TAS2R1: variants seen among roughly 807,000 people sequenced by gnomAD.
TAS2R1 encodes taste 2 receptor member 1.
For synonymous variants in TAS2R1, 141 were observed against 134.2 expected (o/e 1.05, Z -0.35); for missense variants, 370 against 353.4 (o/e 1.05, Z -0.38).
chr5:9,717,216 TG>T (rs746771248), upstream of TAS2R1, among the ~76,000 whole-genome samples: 23 of 152,012 alleles, frequency 1.5e-4, no homozygotes, highest in Non-Finnish European at 2.8e-4. Context: ...GGAGAGTGGG[TG>T]GGGCCAGAAG....
In TAS2R1 at chr5:9,646,750, A is replaced by G. The variant is rs1357373533; in HGVS notation, c.-81+12671T>C. 2.6e-5 allele frequency among the ~76,000 whole-genome samples: 4 copies of G among 151,924 alleles called. 1 individual carries two copies. The highest frequency in any genetic ancestry group is 7.3e-5 in the African/African-American group (3 of 41,364). ...ACCAAAATTGTTGTGCCTTGCTTTG[A>G]TTTTCCAGAATGTGGGACCAGCCTT... On this transcript the variant is annotated intron_variant, in intron 2 of 2. Transcript: ENST00000506620.
the TAS2R1 span, among the ~76,000 whole-genome samples, chr5:9,730,429 C>T: frequency 6.6e-6 from 1 of 152,286 alleles, no homozygotes; most frequent in Middle Eastern, 3.4e-3. Context: ...GGCTTGATAC[C>T]AAATGTGCTT....
chr5:9,861,030 A>G, the TAS2R1 span, among the ~76,000 whole-genome samples: 1 of 38,774 alleles, frequency 2.6e-5, no homozygotes. Context: ...CAATCTGGGA[A>G]GATGAGGTTT....
At chr5:9,658,206 C>T (rs988654617) in intron 2 of TAS2R1, among the ~76,000 whole-genome samples, 2 of 152,192 alleles carry the variant, frequency 1.3e-5, no homozygotes, top group African/African-American at 4.8e-5. Flanking sequence ...AAACACTTTA[C>T]ATGCATTGAC....
At chr5:9,674,978 T>A (rs961266542) in intron 1 of TAS2R1, among the ~76,000 whole-genome samples, 3 of 151,868 alleles carry the variant, frequency 2.0e-5, no homozygotes, top group Non-Finnish European at 4.4e-5. Context: ...AAAATCATAA[T>A]GCTAATAAGT....
chr5:9,896,249 A>ATC, the TAS2R1 span, among the ~76,000 whole-genome samples: 143 of 152,316 alleles, frequency 9.4e-4, no homozygotes, highest in African/African-American at 3.0e-3. Flanking sequence ...TGGTTGGATT[A>ATC]TCTCTCGTGT....
chr5:9,786,801 C>G, the TAS2R1 span, among the ~76,000 whole-genome samples: 1 of 152,182 alleles, frequency 6.6e-6, no homozygotes, highest in East Asian at 1.9e-4. Context: ...AGCAATGTAG[C>G]CTTCTATGAG....
upstream of TAS2R1, among the ~76,000 whole-genome samples, chr5:9,634,692 T>G (rs2126476957): frequency 6.6e-6 from 1 of 152,174 alleles, no homozygotes; most frequent in Non-Finnish European, 1.5e-5. Flanking sequence ...CTAAGTATTT[T>G]GGGTTTTTGC....
Position 9,629,793 on chromosome 5 carries a change from C to T in TAS2R1, c.240G>A (p.Ala80=), listed in dbSNP as rs571918935. The T allele has an allele frequency of 1.9e-5, 31 of 1,613,800 alleles. No homozygotes were observed. The highest frequency in any genetic ancestry group is 1.6e-4 in the Middle Eastern group (1 of 6,062). The change falls in exon 1 of 1, where the codon GCG becomes GCA. Residue 80 remains alanine (A), a synonymous_variant. Coordinates refer to ENST00000382492, the MANE Select transcript of TAS2R1 (RefSeq NM_019599.3). ...TTATAAATAAGAGAATTGCACAATT[C>T]GCAGAACACATGATGAATTCTATGA... ...IFFIEFIMCS[A]NCAILLFINE... is the part of the protein sequence containing the mutation.
At chr5:9,739,953 C>G in the TAS2R1 span, among the ~76,000 whole-genome samples, 3 of 152,160 alleles carry the variant, frequency 2.0e-5, no homozygotes, top group Admixed American at 2.0e-4. Context: ...AATTCAAGGT[C>G]TTTTTAAAGC....
chr5:9,715,352 A>G (rs1247938931), upstream of TAS2R1, among the ~76,000 whole-genome samples: 4 of 152,204 alleles, frequency 2.6e-5, no homozygotes, highest in African/African-American at 9.6e-5. Flanking sequence ...TGAACCTCAC[A>G]GTTTGAAAGC....
At chr5:9,632,967 C>T (rs138981900), upstream of TAS2R1, among the ~76,000 whole-genome samples, 1,069 of 151,940 alleles carry the variant, frequency 7.0e-3, 19 homozygotes, top group African/African-American at 0.025. Flanking sequence ...TTTCAATTTA[C>T]TTTGCTCAGG....
chr5:9,671,202 G>T (rs2126502893), intron 1 of TAS2R1, among the ~76,000 whole-genome samples: 1 of 152,228 alleles, frequency 6.6e-6, no homozygotes, highest in Non-Finnish European at 1.5e-5. Flanking sequence ...ATGGGCAAAA[G>T]CTGGGAGCAT....
chr5:9,648,906 C>T (rs544740854), intron 2 of TAS2R1, among the ~76,000 whole-genome samples: 3 of 152,224 alleles, frequency 2.0e-5, no homozygotes, highest in Middle Eastern at 3.4e-3. Flanking sequence ...TCTGGAAAGC[C>T]CCTCTTCCTT....
the TAS2R1 span, among the ~76,000 whole-genome samples, chr5:9,882,540 T>G: frequency 1.3e-5 from 2 of 152,140 alleles, no homozygotes; most frequent in Non-Finnish European, 2.9e-5. Flanking sequence ...GCACGAGAAT[T>G]GCTTGAACTC....
chr5:9,766,139 G>C, the TAS2R1 span, among the ~76,000 whole-genome samples: 1 of 152,152 alleles, frequency 6.6e-6, no homozygotes. Flanking sequence ...ATTTTTAAAA[G>C]TAAATCATCA....
intron 2 of TAS2R1, among the ~76,000 whole-genome samples, chr5:9,643,736 G>A (rs1740131149): frequency 6.6e-6 from 1 of 152,204 alleles, no homozygotes; most frequent in South Asian, 2.1e-4. Flanking sequence ...GTGCACGACT[G>A]TAGTAATGAA....
chr5:9,679,965 TGGCTAATTCTAGTACTGG>T (rs1740962714), intron 1 of TAS2R1, among the ~76,000 whole-genome samples: 2 of 152,156 alleles, frequency 1.3e-5, no homozygotes, highest in Admixed American at 1.3e-4. Flanking sequence ...CCTGGAGAAA[TGGCTAATTCTAGTACTGG>T]GGCAGGAAAT....
At chr5:9,745,982 C>T in the TAS2R1 span, among the ~76,000 whole-genome samples, 2 of 151,970 alleles carry the variant, frequency 1.3e-5, no homozygotes, top group Non-Finnish European at 2.9e-5. Context: ...GAACAGGCAA[C>T]CTAAAGAATG....
Sources: gnomAD v4.1 joint callset for allele counts (sites outside exome capture counted in the v4.1 genomes callset) on GRCh38, gnomAD v4.1.1 for gene constraint, MANE v1.5 for transcripts, NCBI Gene and HGNC (gene_info 2026-07-23, HGNC 2026-07-21) for gene names.